The following PTPRD variants were observed in gnomAD, a reference collection of about 807,000 sequenced individuals.
PTPRD encodes the protein protein tyrosine phosphatase receptor type D.
PTPRD carries 34 observed loss-of-function variants against 214.5 expected under a neutral mutation model. That is an observed-to-expected ratio of 0.16 (90% CI 0.12 to 0.21). The LOEUF is 0.21. PTPRD is among the 10% of genes least tolerant of loss of function. The probability of loss-of-function intolerance (pLI) is 1.00; values close to 1 mark genes in which losing one functional copy is unlikely to be tolerated. For missense variants in PTPRD, 2,545 were observed against 2,398.7 expected (o/e 1.06, Z -1.27); for synonymous variants, 1,128 against 845.7 (o/e 1.33, Z -5.79).
intron 11 of PTPRD, among the ~76,000 whole-genome samples, chr9:8,806,125 A>C (rs1188297322): frequency 6.0e-5 from 9 of 150,888 alleles, no homozygotes; most frequent in Non-Finnish European, 1.2e-4. Context: ...GGGTTTCATC[A>C]TGTTGGCCAG....
At chr9:9,827,518 A>T (rs983636634) in intron 5 of PTPRD, among the ~76,000 whole-genome samples, 1 of 152,200 alleles carries the variant, frequency 6.6e-6, no homozygotes, top group East Asian at 1.9e-4. Flanking sequence ...AAGATGGATT[A>T]AAGACTTAAA....
intron 2 of PTPRD, among the ~76,000 whole-genome samples, chr9:10,465,037 GAC>G (rs2098984161): frequency 1.3e-5 from 2 of 152,170 alleles, no homozygotes; most frequent in South Asian, 4.2e-4. Flanking sequence ...TAATTTAAAA[GAC>G]AGAGCAAATA....
chr9:8,827,071 C>T (rs971010212), intron 11 of PTPRD, among the ~76,000 whole-genome samples: 2 of 152,050 alleles, frequency 1.3e-5, no homozygotes, highest in African/African-American at 4.8e-5. Flanking sequence ...ACTACACACA[C>T]CCTCATGGTT....
intron 3 of PTPRD, among the ~76,000 whole-genome samples, chr9:10,050,251 T>C (rs949875041): frequency 2.0e-5 from 3 of 151,508 alleles, no homozygotes; most frequent in Non-Finnish European, 4.4e-5. Context: ...TGCAGGCTGA[T>C]GCAATGACCT....
intron 8 of PTPRD, among the ~76,000 whole-genome samples, chr9:9,514,238 C>T (rs577051012): frequency 6.6e-6 from 1 of 152,152 alleles, no homozygotes; most frequent in African/African-American, 2.4e-5. Context: ...GCATCAGCTT[C>T]ATGAATCCTC....
intron 8 of PTPRD, among the ~76,000 whole-genome samples, chr9:9,429,515 A>G (rs2082245087): frequency 6.6e-6 from 1 of 152,244 alleles, no homozygotes; most frequent in Non-Finnish European, 1.5e-5. Context: ...TATTCCAATC[A>G]GTAGAAAAAG....
chr9:9,337,079 G>T (rs1043517409), intron 9 of PTPRD, among the ~76,000 whole-genome samples: 2 of 152,076 alleles, frequency 1.3e-5, no homozygotes, highest in African/African-American at 4.8e-5. Context: ...CTGACCTAGG[G>T]GGTCAATGGG....
At chr9:9,777,148 A>C (rs1430920516) in intron 5 of PTPRD, among the ~76,000 whole-genome samples, 2 of 152,194 alleles carry the variant, frequency 1.3e-5, no homozygotes, top group Admixed American at 6.5e-5. Context: ...AAAAAATTAG[A>C]AACACTCTTA....
In PTPRD at chr9:9,415,509, A is replaced by T. The variant is rs552365688; in HGVS notation, c.-236-18027T>A. On this transcript the variant is annotated intron_variant, in intron 8 of 45. Transcript: ENST00000381196. The stretch of plus-strand genomic sequence containing the variant: ...TAGATAAATAAAATAAAAAAATTTT[A>T]AAAAACCCTCTCTAATGAGATTTAT... 1.8e-4 allele frequency among the ~76,000 whole-genome samples: 27 copies of T among 152,270 alleles called. 1 individual carries two copies. The South Asian group carries it at 3.5e-3, about 20-fold the overall frequency.
chr9:10,131,838 C>T (rs753267763), intron 3 of PTPRD, among the ~76,000 whole-genome samples: 1 of 152,014 alleles, frequency 6.6e-6, no homozygotes, highest in Non-Finnish European at 1.5e-5. Flanking sequence ...CAATTCACAC[C>T]TGTTTGGAGA....
In PTPRD at chr9:9,818,109, C is replaced by T. The variant is rs530750553; in HGVS notation, c.-367-51258G>A. 3.3e-5 allele frequency among the ~76,000 whole-genome samples: 5 copies of T among 152,246 alleles called. No homozygotes were observed. In the South Asian group the frequency reaches 8.3e-4, roughly 25 times the overall value. On this transcript the variant is annotated intron_variant, in intron 5 of 45. Transcript: ENST00000381196. Reference sequence around the variant, plus strand: ...ATTTAGCTGATAATCCATCTAAATGCCCTCTGAGTATCACTGACATGGAGA... The same window carrying T: ...ATTTAGCTGATAATCCATCTAAATGTCCTCTGAGTATCACTGACATGGAGA...
chr9:8,404,517 T>G lies in PTPRD; in HGVS notation c.4210+20A>C, dbSNP rs776222689. The G allele has an allele frequency of 1.1e-5, 17 of 1,601,746 alleles. No homozygotes were observed. The African/African-American group carries it at 2.1e-4, about 20-fold the overall frequency. ...AAATCCATGAAAATAAAGGTATCAG[T>G]GATGTCTGCATTTCCTTACCTTCTA... On this transcript the variant is annotated intron_variant, in intron 36 of 45. Transcript: ENST00000381196.
chr9:9,289,600 G>T (rs1246550020), intron 9 of PTPRD, among the ~76,000 whole-genome samples: 1 of 151,544 alleles, frequency 6.6e-6, no homozygotes, highest in African/African-American at 2.4e-5. Context: ...TTCAAACTTT[G>T]TACCCTTTGT....
intron 7 of PTPRD, among the ~76,000 whole-genome samples, chr9:9,689,456 T>C (rs143201392): frequency 1.7e-3 from 264 of 152,068 alleles, no homozygotes; most frequent in African/African-American, 6.1e-3. Context: ...AATATATCTA[T>C]GATCTTAAAT....
At chr9:8,385,806 G>C (rs1308950587) in intron 37 of PTPRD, among the ~76,000 whole-genome samples, 1 of 152,072 alleles carries the variant, frequency 6.6e-6, no homozygotes, top group Admixed American at 6.6e-5. Flanking sequence ...TCCTGTCCTG[G>C]GGGAGAGCAA....
chr9:9,725,397 C>A (rs1177342148), intron 7 of PTPRD, among the ~76,000 whole-genome samples: 1 of 152,000 alleles, frequency 6.6e-6, no homozygotes, highest in Non-Finnish European at 1.5e-5. Context: ...TAAGGCCTCC[C>A]CAGCTACGTG....
intron 11 of PTPRD, among the ~76,000 whole-genome samples, chr9:8,800,916 T>G (rs1435318411): frequency 6.6e-6 from 1 of 152,156 alleles, no homozygotes; most frequent in East Asian, 1.9e-4. Flanking sequence ...ATGAATGATA[T>G]TATAAATGTA....
chr9:10,553,166 TGTA>T (rs1246139524), intron 2 of PTPRD, among the ~76,000 whole-genome samples: 11 of 152,038 alleles, frequency 7.2e-5, no homozygotes, highest in African/African-American at 2.2e-4. Context: ...GAGGAGAGAA[TGTA>T]GTAGGATACA....
chr9:8,682,812 T>C (rs1169664518), intron 12 of PTPRD, among the ~76,000 whole-genome samples: 8 of 152,222 alleles, frequency 5.3e-5, no homozygotes, highest in Non-Finnish European at 8.8e-5. Context: ...AAAACAGATA[T>C]TCACTATTTT....
Sources: allele counts gnomAD v4.1 joint callset (sites outside exome capture counted in the v4.1 genomes callset), GRCh38; gene constraint gnomAD v4.1.1; transcripts MANE v1.5; gene names NCBI Gene and HGNC (gene_info 2026-07-23, HGNC 2026-07-21).